The following OR2L13 variants were observed in gnomAD, a reference collection of about 807,000 sequenced individuals.
The protein encoded by OR2L13 is olfactory receptor family 2 subfamily L member 13, also known as olfactory receptor 2L13.
A neutral mutation model predicts 15.3 loss-of-function variants in OR2L13; 14 were observed. That is an observed-to-expected ratio of 0.91 (90% confidence interval 0.60 to 1.43). The LOEUF (loss-of-function observed/expected upper bound fraction) is 1.43, where lower values mean the gene tolerates loss of function less well. OR2L13 is among the 40% of genes most tolerant of loss of function. The probability of loss-of-function intolerance (pLI) is 0.00; values close to 1 mark genes in which losing one functional copy is unlikely to be tolerated. For synonymous variants in OR2L13, 152 were observed against 142.9 expected, an observed-to-expected ratio of 1.06 and a Z score of -0.45; for missense variants, 367 against 387.9, an observed-to-expected ratio of 0.95 and a Z score of 0.45.
the OR2L13 span, among the ~76,000 whole-genome samples, chr1:248,033,211 G>T: frequency 6.6e-6 from 1 of 152,068 alleles, no homozygotes; most frequent in Non-Finnish European, 1.5e-5. Flanking sequence ...TATGGTTTTA[G>T]CTCTTACACT....
the OR2L13 span, among the ~76,000 whole-genome samples, chr1:248,083,055 C>T: frequency 2.6e-5 from 4 of 152,070 alleles, no homozygotes; most frequent in African/African-American, 9.7e-5. Context: ...CAAATAAAAA[C>T]AGACTGTGGA....
At chr1:248,074,718 A>T in the OR2L13 span, among the ~76,000 whole-genome samples, 1 of 152,078 alleles carries the variant, frequency 6.6e-6, no homozygotes, top group East Asian at 1.9e-4. Context: ...AAAATTACCT[A>T]TTGGGTGGTA....
chr1:248,033,273 A>G, the OR2L13 span, among the ~76,000 whole-genome samples: 2 of 152,218 alleles, frequency 1.3e-5, no homozygotes, highest in Admixed American at 1.3e-4. Context: ...TAAAGTAAGC[A>G]TCCAATTTCA....
At chr1:247,991,234 G>A in the OR2L13 span, 69 of 1,435,850 alleles carry the variant, frequency 4.8e-5, 1 homozygote, top group South Asian at 5.9e-4. Flanking sequence ...GAGTCAAAGC[G>A]CTAGGTTCAT....
At chr1:248,051,059 T>G in the OR2L13 span, 17 of 152,142 alleles carry the variant, frequency 1.1e-4, no homozygotes, top group African/African-American at 4.1e-4. Flanking sequence ...TCTGTGTCAT[T>G]AAGTACATAT....
At chr1:247,940,990 T>C in the OR2L13 span, among the ~76,000 whole-genome samples, 2 of 152,148 alleles carry the variant, frequency 1.3e-5, no homozygotes, top group Non-Finnish European at 1.5e-5. Context: ...TTTGCATTTC[T>C]GTGATGATTA....
At chr1:248,097,675 G>C (rs912952811) in intron 1 of OR2L13, among the ~76,000 whole-genome samples, 1 of 152,156 alleles carries the variant, frequency 6.6e-6, no homozygotes, top group Non-Finnish European at 1.5e-5. Context: ...CTCCAGGATG[G>C]AACACATAAA....
the OR2L13 span, among the ~76,000 whole-genome samples, chr1:247,994,271 C>G: frequency 1.2e-4 from 18 of 152,154 alleles, no homozygotes; most frequent in South Asian, 1.0e-3. Context: ...GTGGCGGGCG[C>G]CTGTAGTCCC....
chr1:248,048,151 C>T, the OR2L13 span, among the ~76,000 whole-genome samples: 2 of 152,184 alleles, frequency 1.3e-5, no homozygotes, highest in Admixed American at 1.3e-4. Context: ...TGCCCACTTA[C>T]CTGTGTATCT....
At chr1:248,073,222 A>C in the OR2L13 span, among the ~76,000 whole-genome samples, 13,616 of 152,148 alleles carry the variant, frequency 0.089, 787 homozygotes, top group African/African-American at 0.17. Flanking sequence ...ACTTGCAACC[A>C]ACCCAAATGT....
chr1:248,039,356 T>A, the OR2L13 span: 15 of 478,962 alleles, frequency 3.1e-5, no homozygotes, highest in Non-Finnish European at 4.6e-5. Flanking sequence ...GACAATATTA[T>A]AATACATATT....
chr1:248,029,812 A>G, the OR2L13 span, among the ~76,000 whole-genome samples: 1 of 152,216 alleles, frequency 6.6e-6, no homozygotes, highest in East Asian at 1.9e-4. Context: ...GAAACACGAA[A>G]ACATTGACAT....
the OR2L13 span, among the ~76,000 whole-genome samples, chr1:247,963,476 T>C: frequency 6.6e-6 from 1 of 152,210 alleles, no homozygotes; most frequent in Admixed American, 6.5e-5. Flanking sequence ...GTGGAGTCTT[T>C]GTTCCTTGTA....
the OR2L13 span, chr1:248,040,839 G>A: frequency 2.0e-5 from 3 of 152,100 alleles, 1 homozygote; most frequent in Admixed American, 1.3e-4. Context: ...AGAGTCATCT[G>A]TACTACAATT....
At chr1:248,060,391 G>T in the OR2L13 span, among the ~76,000 whole-genome samples, 1 of 152,160 alleles carries the variant, frequency 6.6e-6, no homozygotes, top group Admixed American at 6.6e-5. Context: ...AAAACATTTT[G>T]AGAGAGAAAG....
At chr1:247,967,331 C>T in the OR2L13 span, among the ~76,000 whole-genome samples, 115 of 152,102 alleles carry the variant, frequency 7.6e-4, no homozygotes, top group African/African-American at 2.5e-3. Context: ...CGGGTTCAAG[C>T]GATTCTCCTG....
At chr1:248,029,238 T>A in the OR2L13 span, 1 of 152,098 alleles carries the variant, frequency 6.6e-6, no homozygotes, top group African/African-American at 2.4e-5. Flanking sequence ...AAAATATATA[T>A]CACAATAAAT....
the OR2L13 span, chr1:248,038,725 T>A: frequency 6.2e-6 from 10 of 1,614,120 alleles, no homozygotes; most frequent in Non-Finnish European, 8.5e-6. Flanking sequence ...ATAAGCTCTA[T>A]CAACTCTTGT....
intron 2 of OR2L13, 121 bp from the exon 3 acceptor site, chr1:248,099,237 T>G (rs1664795030): frequency 3.2e-6 from 2 of 627,548 alleles, no homozygotes; most frequent in African/African-American, 3.7e-5. Flanking sequence ...AAACCTGCAG[T>G]GTTAGTGGAG....
Sources: allele counts gnomAD v4.1 joint callset (sites outside exome capture counted in the v4.1 genomes callset), GRCh38; gene constraint gnomAD v4.1.1; transcripts MANE v1.5; gene names NCBI Gene and HGNC (gene_info 2026-07-23, HGNC 2026-07-21).